Variants in SH2D4B observed in about 807,000 individuals in gnomAD.
SH2D4B encodes the protein SH2 domain containing 4B, also known as SH2 domain-containing protein 4B.
Under a neutral mutation model 61.5 loss-of-function variants are expected in SH2D4B, and 45 were observed. That is an observed-to-expected ratio of 0.73 (90% confidence interval 0.58 to 0.94). The LOEUF (loss-of-function observed/expected upper bound fraction) is 0.94. SH2D4B is among the 40% of genes least tolerant of loss of function. SH2D4B has a pLI of 0.00. For synonymous variants in SH2D4B, 224 were observed against 220.4 expected, an observed-to-expected ratio of 1.02 and a Z score of -0.14; for missense variants, 572 against 574.2, an observed-to-expected ratio of 1.00 and a Z score of 0.04.
At chr10:80,540,153 A>T (rs1841559159) in intron 1 of SH2D4B, among the ~76,000 whole-genome samples, 1 of 152,178 alleles carries the variant, frequency 6.6e-6, no homozygotes, top group Non-Finnish European at 1.5e-5. Context: ...GGTGCAGAAG[A>T]TCCTTTTTCT....
At chr10:80,614,628 C>T (rs527336644) in intron 6 of SH2D4B, among the ~76,000 whole-genome samples, 3 of 152,352 alleles carry the variant, frequency 2.0e-5, no homozygotes, top group East Asian at 1.9e-4. Context: ...TGATGGCTAG[C>T]GAACCCCCCA....
chr10:80,622,584 G>T (rs778091161), intron 6 of SH2D4B, among the ~76,000 whole-genome samples: 20 of 152,062 alleles, frequency 1.3e-4, no homozygotes, highest in Non-Finnish European at 2.4e-4. Flanking sequence ...CCTGTATTTT[G>T]CTCAATTTTG....
intron 6 of SH2D4B, among the ~76,000 whole-genome samples, chr10:80,612,793 G>A (rs765622022): frequency 1.7e-4 from 26 of 152,116 alleles, no homozygotes; most frequent in African/African-American, 5.3e-4. Flanking sequence ...ATGACTACTC[G>A]AATGATTTCC....
intron 1 of SH2D4B, among the ~76,000 whole-genome samples, chr10:80,550,620 AT>A (rs780210652): frequency 2.0e-5 from 3 of 152,152 alleles, no homozygotes; most frequent in Non-Finnish European, 4.4e-5. Flanking sequence ...ACACATCATT[AT>A]TTTATGTCCT....
intron 3 of SH2D4B, among the ~76,000 whole-genome samples, chr10:80,586,158 C>G (rs7095318): frequency 1.3e-5 from 2 of 152,062 alleles, no homozygotes; most frequent in Non-Finnish European, 2.9e-5. Context: ...GAGCCTCCCC[C>G]TCCTCCATGG....
chr10:80,605,233 T>C (rs528057430), intron 5 of SH2D4B, among the ~76,000 whole-genome samples: 1 of 152,278 alleles, frequency 6.6e-6, no homozygotes, highest in African/African-American at 2.4e-5. Flanking sequence ...TTCCCCTCAT[T>C]TAACTAGTTT....
At chr10:80,549,961 TATTTAATTA>T (rs1841736344) in intron 1 of SH2D4B, among the ~76,000 whole-genome samples, 1 of 152,094 alleles carries the variant, frequency 6.6e-6, no homozygotes, top group Non-Finnish European at 1.5e-5. Context: ...GAAAGATTAA[TATTTAATTA>T]ATTTAATTAA....
chr10:80,595,593 A>G (rs1842377000), intron 4 of SH2D4B, among the ~76,000 whole-genome samples: 1 of 152,112 alleles, frequency 6.6e-6, no homozygotes, highest in African/African-American at 2.4e-5. Context: ...TATTTTTTCT[A>G]TTAAGGAAAG....
intron 7 of SH2D4B, among the ~76,000 whole-genome samples, chr10:80,636,844 T>C (rs1840184127): frequency 6.6e-6 from 1 of 152,236 alleles, no homozygotes; most frequent in South Asian, 2.1e-4. Flanking sequence ...TTTGTTGTTT[T>C]AGTCATGAAG....
intron 6 of SH2D4B, among the ~76,000 whole-genome samples, chr10:80,613,148 T>C (rs1564784141): frequency 6.6e-6 from 1 of 152,186 alleles, no homozygotes; most frequent in Non-Finnish European, 1.5e-5. Context: ...AACAGGCTTT[T>C]CTCTGGGACC....
intron 1 of SH2D4B, among the ~76,000 whole-genome samples, chr10:80,554,045 A>T (rs1327042797): frequency 1.3e-5 from 2 of 152,236 alleles, no homozygotes; most frequent in Non-Finnish European, 2.9e-5. Context: ...AGTGAAGCAA[A>T]GTATGTTGTG....
chr10:80,588,145 C>T (rs148587055), intron 3 of SH2D4B, among the ~76,000 whole-genome samples: 1 of 152,270 alleles, frequency 6.6e-6, no homozygotes, highest in East Asian at 1.9e-4. Context: ...GGTGCTGCAG[C>T]TGAGGAGATG....
At chr10:80,643,197 T>C (rs1840335963) in intron 7 of SH2D4B, 2 of 152,604 alleles carry the variant, frequency 1.3e-5, no homozygotes, top group South Asian at 4.1e-4. Context: ...ATTTTTTCCT[T>C]TTAATTTAAA....
chr10:80,629,609 C>A (rs751849745), intron 6 of SH2D4B, among the ~76,000 whole-genome samples: 13 of 152,112 alleles, frequency 8.5e-5, no homozygotes, highest in Non-Finnish European at 1.9e-4. Flanking sequence ...AGTCCTGTGA[C>A]CATTGCAGCT....
At chr10:80,629,096 G>C (rs1842801048) in intron 6 of SH2D4B, among the ~76,000 whole-genome samples, 1 of 151,848 alleles carries the variant, frequency 6.6e-6, no homozygotes. Context: ...ATAGAAAAGA[G>C]GTTTAATAGA....
intron 3 of SH2D4B, among the ~76,000 whole-genome samples, chr10:80,577,717 C>A (rs1016434233): frequency 6.6e-6 from 1 of 151,702 alleles, no homozygotes; most frequent in East Asian, 1.9e-4. Context: ...TGAGCCACAG[C>A]GCCCGGCCTT....
At chr10:80,612,198 T>TTTTTTTTTTTTTTTTTTTTC (rs59848195) in intron 6 of SH2D4B, among the ~76,000 whole-genome samples, 1 of 125,206 alleles carries the variant, frequency 8.0e-6, no homozygotes, top group Non-Finnish European at 1.6e-5. Flanking sequence ...TTTTTTTTTT[T>TTTTTTTTTTTTTTTTTTTTC]CAACTTTACT....
chr10:80,584,694 T>G (rs1842222686), intron 3 of SH2D4B, among the ~76,000 whole-genome samples: 1 of 152,366 alleles, frequency 6.6e-6, no homozygotes, highest in Non-Finnish European at 1.5e-5. Flanking sequence ...TATTTGGCTT[T>G]GCAGTAAACT....
intron 6 of SH2D4B, among the ~76,000 whole-genome samples, chr10:80,617,023 C>A (rs935466324): frequency 2.4e-4 from 36 of 152,242 alleles, no homozygotes; most frequent in East Asian, 3.8e-4. Flanking sequence ...GAGGTGAAGT[C>A]AGTTGCCCAT....
Sources: gnomAD v4.1 joint callset for allele counts (sites outside exome capture counted in the v4.1 genomes callset) on GRCh38, gnomAD v4.1.1 for gene constraint, MANE v1.5 for transcripts, NCBI Gene and HGNC (gene_info 2026-07-23, HGNC 2026-07-21) for gene names.